The following RNF13 variants were observed in gnomAD, a reference collection of about 807,000 sequenced individuals.
RNF13 encodes E3 ubiquitin-protein ligase RNF13.
In RNF13, 19 loss-of-function variants were observed where a neutral mutation model predicts 37.7. That is an observed-to-expected ratio of 0.50 (90% CI 0.35 to 0.74). The LOEUF (loss-of-function observed/expected upper bound fraction) is 0.74. Among genes scored for constraint, RNF13 ranks in the 30% least tolerant of loss-of-function variants. RNF13 has a pLI of 0.01. For missense variants in RNF13, 375 were observed against 453.0 expected, an observed-to-expected ratio of 0.83 and a Z score of 1.56; for synonymous variants, 144 against 157.8, an observed-to-expected ratio of 0.91 and a Z score of 0.65.
intron 7 of RNF13, chr3:149,917,410 A>G (rs1044207376): frequency 3.3e-5 from 5 of 152,184 alleles, no homozygotes; most frequent in African/African-American, 1.2e-4. Flanking sequence ...TCTTCTCTGT[A>G]TCATTCCAAT....
intron 8 of RNF13, among the ~76,000 whole-genome samples, chr3:149,958,450 T>C (rs1722071712): frequency 6.6e-6 from 1 of 152,216 alleles, no homozygotes; most frequent in African/African-American, 2.4e-5. Flanking sequence ...TCCTGCTTCC[T>C]TCTTCCACTT....
chr3:149,883,268 G>A (rs1416444653), intron 4 of RNF13, among the ~76,000 whole-genome samples: 3 of 151,870 alleles, frequency 2.0e-5, no homozygotes, highest in Non-Finnish European at 4.4e-5. Context: ...CCTACTTTGT[G>A]CATTTCTGTG....
intron 8 of RNF13, among the ~76,000 whole-genome samples, chr3:149,936,026 T>G (rs1245357652): frequency 2.0e-5 from 3 of 147,664 alleles, no homozygotes; most frequent in Non-Finnish European, 3.0e-5. Flanking sequence ...CAGTTGGCAG[T>G]TTTTTTTTTT....
chr3:149,824,962 T>G (rs1204235974), intron 1 of RNF13, among the ~76,000 whole-genome samples: 5 of 131,594 alleles, frequency 3.8e-5, no homozygotes, highest in Non-Finnish European at 8.5e-5. Context: ...TTTTTCCTGA[T>G]TTTTTTTTTT....
intron 8 of RNF13, among the ~76,000 whole-genome samples, chr3:149,951,178 G>C (rs1231021406): frequency 6.6e-6 from 1 of 152,128 alleles, no homozygotes; most frequent in African/African-American, 2.4e-5. Context: ...TCACAGTTCA[G>C]GCTTGGCTAC....
At chr3:149,950,275 A>G (rs909263151) in intron 8 of RNF13, among the ~76,000 whole-genome samples, 1 of 80,964 alleles carries the variant, frequency 1.2e-5, no homozygotes. Flanking sequence ...CATTCCTGCC[A>G]TATCTGAGTC....
Sources: gnomAD v4.1 joint callset for allele counts (sites outside exome capture counted in the v4.1 genomes callset) on GRCh38, gnomAD v4.1.1 for gene constraint, MANE v1.5 for transcripts, NCBI Gene and HGNC (gene_info 2026-07-23, HGNC 2026-07-21) for gene names.